Variants in VOPP1 observed in about 807,000 individuals in gnomAD.
VOPP1 encodes the protein VOPP1 WW domain binding protein, also known as WW domain binding protein VOPP1.
In VOPP1, 8 loss-of-function variants were observed where a neutral mutation model predicts 23.5. The observed-to-expected ratio is 0.34, with a 90% CI of 0.20 to 0.61. The LOEUF is 0.61. Among genes scored for constraint, VOPP1 ranks in the 20% least tolerant of loss-of-function variants. The probability of loss-of-function intolerance (pLI) is 0.78; values close to 1 mark genes in which losing one functional copy is unlikely to be tolerated. For missense variants in VOPP1, 174 were observed against 238.1 expected, an observed-to-expected ratio of 0.73 and a Z score of 1.77; for synonymous variants, 83 against 97.3, an observed-to-expected ratio of 0.85 and a Z score of 0.86.
At chr7:55,446,187 G>C (rs1368161984) in intron 4 of VOPP1, among the ~76,000 whole-genome samples, 5 of 152,038 alleles carry the variant, frequency 3.3e-5, no homozygotes, top group Non-Finnish European at 7.4e-5. Context: ...TAGAGACGGG[G>C]TTTCACCATG....
At chr7:55,460,420 C>G (rs1419815325) in intron 4 of VOPP1, among the ~76,000 whole-genome samples, 1 of 152,102 alleles carries the variant, frequency 6.6e-6, no homozygotes, top group Non-Finnish European at 1.5e-5. Flanking sequence ...TCTGTTCTTA[C>G]TAAAATCCAG....
chr7:55,456,622 A>T (rs547547018), intron 4 of VOPP1, among the ~76,000 whole-genome samples: 1 of 152,342 alleles, frequency 6.6e-6, no homozygotes, highest in East Asian at 1.9e-4. Flanking sequence ...GCAGCCATAA[A>T]AAAAGGATGA....
intron 1 of VOPP1, among the ~76,000 whole-genome samples, chr7:55,565,965 T>C (rs1798151306): frequency 6.6e-6 from 1 of 152,098 alleles, no homozygotes; most frequent in African/African-American, 2.4e-5. Flanking sequence ...CACTGGCAGA[T>C]CCAAAACCAA....
intron 3 of VOPP1, among the ~76,000 whole-genome samples, chr7:55,497,263 G>A (rs1443189389): frequency 6.6e-6 from 1 of 152,240 alleles, no homozygotes; most frequent in African/African-American, 2.4e-5. Flanking sequence ...TCGCCTGCCA[G>A]TCTCAGTTGG....
intron 4 of VOPP1, among the ~76,000 whole-genome samples, chr7:55,490,299 GC>G (rs1476226804): frequency 6.6e-6 from 1 of 152,122 alleles, no homozygotes; most frequent in East Asian, 1.9e-4. Flanking sequence ...AGATCTAATC[GC>G]CTGGTTGCTG....
intron 4 of VOPP1, among the ~76,000 whole-genome samples, chr7:55,446,221 C>T (rs563118222): frequency 6.6e-6 from 1 of 152,270 alleles, no homozygotes; most frequent in South Asian, 2.1e-4. Context: ...TCTCAATCTC[C>T]TGACCTCGTG....
chr7:55,565,802 C>A (rs1259074463), intron 1 of VOPP1, among the ~76,000 whole-genome samples: 1 of 152,002 alleles, frequency 6.6e-6, no homozygotes, highest in East Asian at 1.9e-4. Context: ...TGCTTAATGA[C>A]AAGGGCCAAA....
rs1791935968 is a variant in VOPP1, at chr7:55,472,940, G to A, written c.434C>T (p.Pro145Leu). ...AMAFQVPPNS[P>L]QGSVACPPPP... is the part of the protein sequence containing the mutation. ...GGGCGGGCAGGCCACACTCCCCTGG[G>A]GTGAGTTGGGTGGGACCTGGAAAGC... Residue 145 changes from proline to leucine, a missense_variant, in exon 5 of 5, where the codon CCC (proline) becomes CTC (leucine). Pro to Leu is a moderately conservative substitution (Grantham distance 98). Coordinates refer to ENST00000285279, the MANE Select transcript of VOPP1 (RefSeq NM_030796.5). The A allele has an allele frequency of 5.7e-6, 9 of 1,582,904 alleles. No individual in the cohort carries two copies. Among genetic ancestry groups the A allele is most frequent in the African/African-American group, 1.4e-5 (1 of 73,066 alleles).
chr7:55,556,774 C>G (rs529423444), intron 1 of VOPP1, among the ~76,000 whole-genome samples: 2 of 152,218 alleles, frequency 1.3e-5, no homozygotes, highest in African/African-American at 2.4e-5. Flanking sequence ...TAAAGGGAAA[C>G]CATGTCAGGG....
At chr7:55,505,664 AG>A (rs1794670963) in intron 2 of VOPP1, among the ~76,000 whole-genome samples, 2 of 2,018 alleles carry the variant, frequency 9.9e-4, no homozygotes, top group African/African-American at 1.7e-3. Flanking sequence ...GGAGGGAGGG[AG>A]GGAGGGAGGG....
chr7:55,541,546 G>A (rs1797133952), intron 1 of VOPP1, among the ~76,000 whole-genome samples: 1 of 152,214 alleles, frequency 6.6e-6, no homozygotes, highest in Non-Finnish European at 1.5e-5. Context: ...TTGAAAATCA[G>A]TCTAGCAGTT....
chr7:55,490,943 G>T lies in VOPP1; in HGVS notation c.328+1339C>A, dbSNP rs138861870. ...AAAAAAGCTGTAAAAGAACAAATAT[G>T]CAAATGACTTTGCATCTTGATAACA... On this transcript the variant is annotated intron_variant, in intron 4 of 4. Transcript: ENST00000285279. Among the ~76,000 whole-genome samples the T allele has an allele frequency of 2.2e-3, 331 of 152,310 alleles. 2 individuals carry two copies. Among genetic ancestry groups the T allele is most frequent in the African/African-American group, 7.7e-3 (321 of 41,562 alleles).
intron 1 of VOPP1, among the ~76,000 whole-genome samples, chr7:55,562,870 G>A (rs1168347465): frequency 6.6e-6 from 1 of 152,148 alleles, no homozygotes; most frequent in South Asian, 2.1e-4. Flanking sequence ...ATCTCAACTG[G>A]TTTCAAATTC....
At chr7:55,503,612 C>A (rs1191100379) in intron 2 of VOPP1, among the ~76,000 whole-genome samples, 1 of 152,182 alleles carries the variant, frequency 6.6e-6, no homozygotes, top group East Asian at 1.9e-4. Flanking sequence ...AAGGCTACCC[C>A]GCAATGGGAT....
At chr7:55,497,286 T>C (rs1794020631) in intron 3 of VOPP1, among the ~76,000 whole-genome samples, 1 of 152,222 alleles carries the variant, frequency 6.6e-6, no homozygotes, top group African/African-American at 2.4e-5. Context: ...GATTTTCTGA[T>C]TCTTCAAGAC....
chr7:55,449,221 G>C (rs941342421), intron 4 of VOPP1, among the ~76,000 whole-genome samples: 1 of 152,204 alleles, frequency 6.6e-6, no homozygotes, highest in Non-Finnish European at 1.5e-5. Flanking sequence ...GTCGGCGCCC[G>C]TGCCTCAGGC....
At chr7:55,535,042 C>T (rs980758611) in intron 1 of VOPP1, among the ~76,000 whole-genome samples, 1 of 152,218 alleles carries the variant, frequency 6.6e-6, no homozygotes, top group East Asian at 1.9e-4. Context: ...TGCCCCAAGA[C>T]CACTGCCACA....
chr7:55,458,953 C>T (rs765050361), intron 4 of VOPP1, among the ~76,000 whole-genome samples: 2 of 152,090 alleles, frequency 1.3e-5, no homozygotes, highest in Non-Finnish European at 2.9e-5. Flanking sequence ...TGCTCTGGTT[C>T]CAGTTTTTAG....
rs148479458 is a variant in VOPP1 at position 55,445,814 on chromosome 7, T to G, written n.418-9640A>C. Among the ~76,000 whole-genome samples the G allele has an allele frequency of 8.7e-3, 1,319 of 152,300 alleles. 19 individuals carry two copies. The highest frequency in any genetic ancestry group is 0.03 in the African/African-American group (1,266 of 41,552). On this transcript the variant is annotated intron_variant and non_coding_transcript_variant, in intron 4 of 4. Coordinates refer to the VOPP1 transcript ENST00000462326. ...TGGGTATTTATTAATGAATTTAATT[T>G]GATGAGGATTAACTTAAATTTAAGA...
Sources: allele counts gnomAD v4.1 joint callset (sites outside exome capture counted in the v4.1 genomes callset), GRCh38; gene constraint gnomAD v4.1.1; transcripts MANE v1.5; gene names NCBI Gene and HGNC (gene_info 2026-07-23, HGNC 2026-07-21).